Variants in CACNA1E observed in about 807,000 individuals in gnomAD.
CACNA1E encodes the protein calcium voltage-gated channel subunit alpha1 E, also known as voltage-dependent R-type calcium channel subunit alpha-1E.
In CACNA1E, 40 loss-of-function variants were observed where a neutral mutation model predicts 259.2. The observed-to-expected ratio is 0.15, with a 90% confidence interval of 0.12 to 0.20. The LOEUF is 0.20. Among genes scored for constraint, CACNA1E ranks in the 10% least tolerant of loss-of-function variants. CACNA1E has a pLI of 1.00. For synonymous variants in CACNA1E, 1,104 were observed against 1,138.5 expected (o/e 0.97, Z 0.61); for missense variants, 1,874 against 3,040.1 (o/e 0.62, Z 9.02).
At chr1:181,614,063 A>G (rs970199249) in intron 6 of CACNA1E, among the ~76,000 whole-genome samples, 1 of 152,218 alleles carries the variant, frequency 6.6e-6, no homozygotes, top group Non-Finnish European at 1.5e-5. Flanking sequence ...AAATTAGTCT[A>G]TAGGTATGCC....
chr1:181,476,791 C>T (rs1434262456), intron 2 of CACNA1E, among the ~76,000 whole-genome samples: 2 of 152,176 alleles, frequency 1.3e-5, no homozygotes, highest in East Asian at 1.9e-4. Context: ...GTTGTTCTCA[C>T]CCTCTGCTCA....
chr1:181,774,553 C>T (rs1417194351), intron 37 of CACNA1E, among the ~76,000 whole-genome samples: 2 of 152,256 alleles, frequency 1.3e-5, no homozygotes, highest in African/African-American at 4.8e-5. Flanking sequence ...AGACCTACTC[C>T]TGCTTTCTGC....
chr1:181,517,430 G>A (rs1666672440), intron 3 of CACNA1E, among the ~76,000 whole-genome samples: 1 of 152,072 alleles, frequency 6.6e-6, no homozygotes, highest in Non-Finnish European at 1.5e-5. Context: ...GCCACGGAAG[G>A]CTTTGAGCAG....
At chr1:181,707,756 C>T (rs1321155091) in intron 7 of CACNA1E, among the ~76,000 whole-genome samples, 1 of 152,090 alleles carries the variant, frequency 6.6e-6, no homozygotes, top group African/African-American at 2.4e-5. Flanking sequence ...AGAACTATGA[C>T]TTCTCCTAGT....
intron 23 of CACNA1E, 46 bp from the exon 24 acceptor site, chr1:181,738,321 T>G (rs774919305): frequency 1.3e-6 from 2 of 1,521,712 alleles, no homozygotes; most frequent in Admixed American, 1.7e-5. Context: ...TGTAGTAGCC[T>G]GTTGGCCACA....
At chr1:181,733,066 GC>G in intron 20 of CACNA1E, 32 bp downstream of exon 20, 1 of 1,537,930 alleles carries the variant, frequency 6.5e-7, no homozygotes, top group East Asian at 2.3e-5. Context: ...CAGATGGATG[GC>G]ACACAGGCTG....
chr1:181,756,115 C>A (rs1390502315), intron 29 of CACNA1E, 22 bp downstream of exon 29: 1 of 1,597,310 alleles, frequency 6.3e-7, no homozygotes, highest in Non-Finnish European at 8.6e-7. Context: ...AGTTGTCATG[C>A]TTGTCTGTGG....
At chr1:181,441,355 T>G (rs1296084303) in intron 2 of CACNA1E, among the ~76,000 whole-genome samples, 2 of 152,216 alleles carry the variant, frequency 1.3e-5, no homozygotes, top group Non-Finnish European at 2.9e-5. Context: ...TTTCCCCATG[T>G]TGGTCAGGAT....
chr1:181,733,391 G>T, intron 20 of CACNA1E, 46 bp from the exon 21 acceptor site: 1 of 1,450,702 alleles, frequency 6.9e-7, no homozygotes, highest in Non-Finnish European at 9.2e-7. Flanking sequence ...CCTGCCATTT[G>T]GGGACAGCGT....
At chr1:181,658,110 A>G (rs1659357276) in intron 7 of CACNA1E, among the ~76,000 whole-genome samples, 1 of 152,200 alleles carries the variant, frequency 6.6e-6, no homozygotes, top group South Asian at 2.1e-4. Context: ...GATTCTTACT[A>G]TATATTTGGG....
chr1:181,342,065 C>T (rs1446020802), intron 1 of CACNA1E, among the ~76,000 whole-genome samples: 1 of 152,076 alleles, frequency 6.6e-6, no homozygotes, highest in Non-Finnish European at 1.5e-5. Context: ...AGGGAGTGGT[C>T]TGAGGAAGTG....
rs572023113 is a variant in CACNA1E, at chr1:181,402,805, C to G, written c.-14-10328C>G. Among the ~76,000 whole-genome samples the G allele has an allele frequency of 9.2e-5, 14 of 152,290 alleles. 1 individual carries two copies. The highest frequency in any genetic ancestry group is 3.4e-4 in the African/African-American group (14 of 41,566). Reference sequence around the variant, plus strand: ...GGGACAGGACTATTTGAGGGCCCATCTACTTTCAAAGTACAACCTATACTA... The same window carrying G: ...GGGACAGGACTATTTGAGGGCCCATGTACTTTCAAAGTACAACCTATACTA... On this transcript the variant is annotated intron_variant, in intron 1 of 11. Transcript: ENST00000524607.
intron 3 of CACNA1E, among the ~76,000 whole-genome samples, chr1:181,523,709 A>G (rs914131423): frequency 6.6e-6 from 1 of 152,222 alleles, no homozygotes; most frequent in Non-Finnish European, 1.5e-5. Flanking sequence ...TTAAAAAGAG[A>G]GCCTCACACT....
At chr1:181,382,881 G>A (rs1242456724) in intron 1 of CACNA1E, among the ~76,000 whole-genome samples, 1 of 152,154 alleles carries the variant, frequency 6.6e-6, no homozygotes, top group Non-Finnish European at 1.5e-5. Context: ...GTGTTGTAAA[G>A]TGGGACTCAT....
intron 6 of CACNA1E, among the ~76,000 whole-genome samples, chr1:181,644,871 T>C (rs1234887828): frequency 1.3e-5 from 2 of 152,164 alleles, no homozygotes; most frequent in South Asian, 2.1e-4. Context: ...TAGGTAGTTA[T>C]CTGTTACAGC....
chr1:181,393,150 G>A (rs1656411877), intron 1 of CACNA1E, among the ~76,000 whole-genome samples: 1 of 152,230 alleles, frequency 6.6e-6, no homozygotes, highest in African/African-American at 2.4e-5. Flanking sequence ...GCTGAAATGT[G>A]TTTATCAGCT....
intron 1 of CACNA1E, among the ~76,000 whole-genome samples, chr1:181,497,056 A>C (rs879892052): frequency 2.0e-5 from 3 of 152,138 alleles, no homozygotes; most frequent in Non-Finnish European, 2.9e-5. Context: ...TTTTGGCAAG[A>C]GCACCCTCCC....
At chr1:181,709,698 G>C (rs577459466) in intron 7 of CACNA1E, among the ~76,000 whole-genome samples, 5 of 152,142 alleles carry the variant, frequency 3.3e-5, no homozygotes, top group Non-Finnish European at 7.3e-5. Context: ...CATGATCACA[G>C]CTCACTGTAA....
In CACNA1E at chr1:181,654,705, C is replaced by T. The variant is rs185613003; in HGVS notation, c.1055+3264C>T. Reference sequence around the variant, plus strand: ...CACATGAAACATAAGATATCTTGGGCGGGGCGCGCTGGCTCACGCCTGTAA... The same window carrying T: ...CACATGAAACATAAGATATCTTGGGTGGGGCGCGCTGGCTCACGCCTGTAA... On this transcript the variant is annotated intron_variant, in intron 7 of 47. Transcript: ENST00000367573. Among the ~76,000 whole-genome samples the T allele has an allele frequency of 2.0e-3, 307 of 152,226 alleles. 2 individuals carry two copies. Among genetic ancestry groups the T allele is most frequent in the African/African-American group, 6.8e-3 (284 of 41,534 alleles).
Sources: allele counts gnomAD v4.1 joint callset (sites outside exome capture counted in the v4.1 genomes callset), GRCh38; gene constraint gnomAD v4.1.1; transcripts MANE v1.5; gene names NCBI Gene and HGNC (gene_info 2026-07-23, HGNC 2026-07-21).